Variants in CCDC85C observed in about 807,000 individuals in gnomAD.
CCDC85C encodes the protein coiled-coil domain-containing protein 85C.
Under a neutral mutation model 38.3 loss-of-function variants are expected in CCDC85C, and 18 were observed. That is an observed-to-expected ratio of 0.47 (90% CI 0.33 to 0.70). The LOEUF (loss-of-function observed/expected upper bound fraction) is 0.70, where lower values mean the gene tolerates loss of function less well. Among genes scored for constraint, CCDC85C ranks in the 30% least tolerant of loss-of-function variants. The pLI is 0.03. For missense variants in CCDC85C, 566 were observed against 621.2 expected (o/e 0.91, Z 0.94); for synonymous variants, 264 against 293.8 (o/e 0.90, Z 1.04).
intron 1 of CCDC85C, among the ~76,000 whole-genome samples, chr14:99,596,776 G>A (rs2074680074): frequency 6.6e-6 from 1 of 152,212 alleles, no homozygotes; most frequent in South Asian, 2.1e-4. Flanking sequence ...GTAGCAGGGA[G>A]ATGAGAATTC....
intron 1 of CCDC85C, among the ~76,000 whole-genome samples, chr14:99,600,713 C>CA (rs35340660): frequency 0.7 from 106,718 of 152,176 alleles, 40,822 homozygotes; most frequent in South Asian, 0.88. Context: ...ACTGCTTCCC[C>CA]AGGGTTCCTG....
At chr14:99,562,286 G>A (rs1898132618) in intron 1 of CCDC85C, among the ~76,000 whole-genome samples, 1 of 152,102 alleles carries the variant, frequency 6.6e-6, no homozygotes, top group South Asian at 2.1e-4. Context: ...CATCACCTTG[G>A]CTCCTGCCCC....
At chr14:99,596,911 C>T (rs562266868) in intron 1 of CCDC85C, among the ~76,000 whole-genome samples, 4 of 152,242 alleles carry the variant, frequency 2.6e-5, no homozygotes, top group South Asian at 2.1e-4. Context: ...CACCTGGGAG[C>T]GGCAGCATCT....
At chr14:99,580,874 A>G (rs944373316) in intron 1 of CCDC85C, among the ~76,000 whole-genome samples, 2 of 152,188 alleles carry the variant, frequency 1.3e-5, no homozygotes, top group Non-Finnish European at 2.9e-5. Flanking sequence ...CAAGAAAATT[A>G]AAAAGGAACT....
chr14:99,604,193 C>T lies in CCDC85C; in HGVS notation c.-234G>A, dbSNP rs2055248217. ...CTGCGTCGGCGGCCGCGGTGCCGGG[C>T]GCTCTCAGGGTTCTGGAGAAGCAGG... On this transcript the variant is annotated 5_prime_UTR_variant, in exon 1 of 6. Transcript: ENST00000380243. Among the ~76,000 whole-genome samples, 2 of 148,334 alleles carry T rather than the reference C, an allele frequency of 1.3e-5. No homozygotes were observed. Among genetic ancestry groups the T allele is most frequent in the Admixed American group, 1.3e-4 (2 of 14,940 alleles).
At chr14:99,584,095 T>C (rs1445013431) in intron 1 of CCDC85C, among the ~76,000 whole-genome samples, 5 of 152,110 alleles carry the variant, frequency 3.3e-5, no homozygotes, top group Admixed American at 1.3e-4. Flanking sequence ...GCTCACTATG[T>C]TGTTCAGGCT....
At chr14:99,542,813 G>A (rs145149305) in intron 1 of CCDC85C, among the ~76,000 whole-genome samples, 12 of 152,330 alleles carry the variant, frequency 7.9e-5, no homozygotes, top group African/African-American at 2.2e-4. Context: ...GTTCCTGGCC[G>A]CCCTACACCT....
At chr14:99,598,286 C>T (rs930518043) in intron 1 of CCDC85C, among the ~76,000 whole-genome samples, 1 of 152,248 alleles carries the variant, frequency 6.6e-6, no homozygotes, top group Admixed American at 6.5e-5. Flanking sequence ...CAATTCTCTG[C>T]GCAAATGAAG....
intron 2 of CCDC85C, among the ~76,000 whole-genome samples, chr14:99,523,343 C>G (rs1019810202): frequency 7.9e-5 from 12 of 152,222 alleles, no homozygotes; most frequent in Non-Finnish European, 1.5e-4. Flanking sequence ...GACCTGGCCC[C>G]GCACTTCTCA....
intron 1 of CCDC85C, among the ~76,000 whole-genome samples, chr14:99,582,274 A>C (rs148803160): frequency 6.6e-6 from 1 of 152,170 alleles, no homozygotes; most frequent in South Asian, 2.1e-4. Flanking sequence ...TGAGGTCCCC[A>C]GGGTGACGTC....
chr14:99,537,844 C>T (rs956749099), intron 1 of CCDC85C, among the ~76,000 whole-genome samples: 3 of 152,260 alleles, frequency 2.0e-5, no homozygotes, highest in Non-Finnish European at 4.4e-5. Flanking sequence ...GGGAAGAGGC[C>T]TCAGCATTCA....
In CCDC85C at chr14:99,500,398, G is replaced by A. The variant is rs182602757; in HGVS notation, c.*14848C>T. On this transcript the variant is annotated 3_prime_UTR_variant, in exon 6 of 6. Transcript: ENST00000380243. ...ATGTTTTCAATGAAAATTCCTAAAA[G>A]ATTGCATTTTTAAAATTTGAGGTCT... The A allele has an allele frequency of 9.8e-6, 2 of 205,042 alleles. No individual in the cohort carries two copies. The highest frequency in any genetic ancestry group is 1.1e-4 in the Admixed American group (2 of 18,504). The allele number at this position is 205,042 out of a possible 1,614,324, so 12.7% of individuals were successfully genotyped here. A position where few individuals can be genotyped will look rare whatever the true frequency, so the allele number is the denominator to read the frequency against.
chr14:99,598,681 T>C (rs57106852), intron 1 of CCDC85C, among the ~76,000 whole-genome samples: 21,862 of 152,080 alleles, frequency 0.14, 3,156 homozygotes, highest in East Asian at 0.36. Context: ...GGGCTCAGAA[T>C]TCTGACACAG....
At chr14:99,579,082 G>A (rs184124345) in intron 1 of CCDC85C, among the ~76,000 whole-genome samples, 159 of 152,324 alleles carry the variant, frequency 1.0e-3, no homozygotes, top group Admixed American at 2.1e-3. Context: ...CCCAAGAGAG[G>A]TGCTCAGGTC....
In CCDC85C at chr14:99,515,207, C is replaced by A. The variant is rs748899137; in HGVS notation, c.*39G>T. 31 of 1,483,232 alleles carry A rather than the reference C, an allele frequency of 2.1e-5. No individual in the cohort carries two copies. Among genetic ancestry groups the A allele is most frequent in the Non-Finnish European group, 2.7e-5 (29 of 1,090,158 alleles). The allele number at this position is 1,483,232 out of a possible 1,614,324, so 91.9% of individuals were successfully genotyped here. ...TGGGGCCTGAAACTCCCCCTGGGGA[C>A]CCCCAGCAGGGCCAGTCCACGTCCA... On this transcript the variant is annotated 3_prime_UTR_variant, in exon 6 of 6. Transcript: ENST00000380243.
chr14:99,555,602 T>C (rs1897995362), intron 1 of CCDC85C, among the ~76,000 whole-genome samples: 1 of 152,180 alleles, frequency 6.6e-6, no homozygotes, highest in South Asian at 2.1e-4. Context: ...CATCCATACA[T>C]AGCTCACTGA....
At position 99,522,125 on chromosome 14, in the gene CCDC85C, A is replaced by G; in HGVS notation, c.975+8T>C. 6.5e-7 allele frequency: 1 copy of G among 1,546,912 alleles called. No homozygotes were observed. Among genetic ancestry groups the G allele is most frequent in the Non-Finnish European group, 8.7e-7 (1 of 1,143,270 alleles). Reference sequence around the variant, plus strand: ...GAACATGTGGGCTTTTTTGGGGTGCACACTCACGTTCTGCAGGGAGTCCTG... The same window carrying G: ...GAACATGTGGGCTTTTTTGGGGTGCGCACTCACGTTCTGCAGGGAGTCCTG... On this transcript the variant is annotated splice_region_variant and intron_variant, in intron 3 of 5. Coordinates refer to ENST00000380243, the MANE Select transcript of CCDC85C (RefSeq NM_001144995.2).
At position 99,572,067 on chromosome 14, in the gene CCDC85C, C is replaced by T. The variant is rs1898358598; in HGVS notation, c.793+31100G>A. Among the ~76,000 whole-genome samples, 2 of 152,158 alleles carry T rather than the reference C, an allele frequency of 1.3e-5. No homozygotes were observed. The highest frequency in any genetic ancestry group is 1.5e-5 in the Non-Finnish European group (1 of 68,020). On this transcript the variant is annotated intron_variant, in intron 1 of 5. Transcript: ENST00000380243. This position sits in a 1 kb window ranked among gnomAD's most constrained non-coding sequence, Gnocchi z 4.4. ...CATCTCAGAGCGTGATCCCCAGAGC[C>T]CCCAACCCTAACCCAGCACCCGCAA...
At chr14:99,589,845 C>T (rs1427978670) in intron 1 of CCDC85C, among the ~76,000 whole-genome samples, 1 of 152,216 alleles carries the variant, frequency 6.6e-6, no homozygotes, top group Non-Finnish European at 1.5e-5. Context: ...CCACTGCCTA[C>T]ACCCCTGCCT....
Sources: gnomAD v4.1 joint callset for allele counts (sites outside exome capture counted in the v4.1 genomes callset) on GRCh38, gnomAD v4.1.1 for gene constraint, Gnocchi (gnomAD v3.1) non-coding constraint, MANE v1.5 for transcripts, NCBI Gene and HGNC (gene_info 2026-07-23, HGNC 2026-07-21) for gene names.